PRKCZ: variants seen among roughly 807,000 people sequenced by gnomAD.
PRKCZ encodes the protein protein kinase C zeta type.
In PRKCZ, 33 loss-of-function variants were observed where a neutral mutation model predicts 79.5. That is an observed-to-expected ratio of 0.41 (90% confidence interval 0.31 to 0.55). The LOEUF (loss-of-function observed/expected upper bound fraction) is 0.55, where lower values mean the gene tolerates loss of function less well. PRKCZ is among the 20% of genes least tolerant of loss of function. PRKCZ has a pLI of 0.19. For synonymous variants in PRKCZ, 342 were observed against 320.9 expected, an observed-to-expected ratio of 1.07 and a Z score of -0.70; for missense variants, 578 against 813.5, an observed-to-expected ratio of 0.71 and a Z score of 3.52.
At chr1:2,119,213 CTTTTT>C (rs201938015) in intron 4 of PRKCZ, among the ~76,000 whole-genome samples, 11 of 126,432 alleles carry the variant, frequency 8.7e-5, no homozygotes, top group African/African-American at 3.2e-4. Flanking sequence ...TTATTTTTTC[CTTTTT>C]TTTTTTTTTT....
At chr1:2,117,315 G>T (rs778260778) in intron 4 of PRKCZ, among the ~76,000 whole-genome samples, 5 of 151,618 alleles carry the variant, frequency 3.3e-5, no homozygotes, top group Admixed American at 1.3e-4. Context: ...TTGTTCAAAT[G>T]ATTCCCTGGT....
chr1:2,096,609 G>T (rs959355393), intron 4 of PRKCZ, among the ~76,000 whole-genome samples: 6 of 152,214 alleles, frequency 3.9e-5, no homozygotes, highest in Non-Finnish European at 7.3e-5. Flanking sequence ...TCTCCCCGTG[G>T]CGTGGCATGG....
chr1:2,049,801 G>A (rs1344526999), upstream of PRKCZ: 1 of 152,360 alleles, frequency 6.6e-6, no homozygotes, highest in Non-Finnish European at 1.5e-5. Context: ...CTTCAGAAAT[G>A]AAGGTCATGG....
intron 4 of PRKCZ, among the ~76,000 whole-genome samples, chr1:2,077,682 G>A (rs1451612182): frequency 9.9e-5 from 15 of 152,216 alleles, no homozygotes; most frequent in Admixed American, 9.8e-4. Context: ...CCTCCCTGCT[G>A]CCCCAGCTCC....
At chr1:2,119,167 T>C (rs1438623199) in intron 4 of PRKCZ, among the ~76,000 whole-genome samples, 1 of 152,148 alleles carries the variant, frequency 6.6e-6, no homozygotes, top group Admixed American at 6.5e-5. Context: ...AAACTACTTT[T>C]ACCATTTTCT....
rs527947559 is a variant in PRKCZ at position 2,057,376 on chromosome 1, G to A, written c.283+803G>A. 7.9e-5 allele frequency among the ~76,000 whole-genome samples: 12 copies of A among 152,318 alleles called. No individual in the cohort carries two copies. The South Asian group carries it at 1.9e-3, about 24-fold the overall frequency. On this transcript the variant is annotated intron_variant, in intron 3 of 17. Transcript: ENST00000378567. ...TCCAGCGCTGTGGCCAGCCGGTCACGTCTTTGTCTCTGTGTCCACTTCTGG... is the reference window on the plus strand; with the variant it reads ...TCCAGCGCTGTGGCCAGCCGGTCACATCTTTGTCTCTGTGTCCACTTCTGG...
chr1:2,148,967 G>A (rs767005132), intron 8 of PRKCZ, 43 bp downstream of exon 8: 2 of 1,591,584 alleles, frequency 1.3e-6, no homozygotes, highest in Non-Finnish European at 8.6e-7. Context: ...GACGTCCTCT[G>A]GAAAGTCTGT....
At chr1:2,085,984 C>G (rs549304214) in intron 4 of PRKCZ, among the ~76,000 whole-genome samples, 2 of 152,144 alleles carry the variant, frequency 1.3e-5, no homozygotes, top group Admixed American at 1.3e-4. Flanking sequence ...GTCTTCTCCC[C>G]TCCCTGTTGA....
chr1:2,070,131 G>A (rs1023247519), intron 4 of PRKCZ, among the ~76,000 whole-genome samples: 1 of 152,112 alleles, frequency 6.6e-6, no homozygotes. Context: ...TGGTGTCCTC[G>A]GGGTCATCAG....
intron 9 of PRKCZ, among the ~76,000 whole-genome samples, chr1:2,151,595 A>G (rs537642044): frequency 1.2e-4 from 19 of 152,358 alleles, no homozygotes; most frequent in Admixed American, 9.8e-4. Context: ...GGCTCTGTGT[A>G]GCAGATCTTC....
At chr1:2,105,924 A>AC (rs915869836) in intron 4 of PRKCZ, among the ~76,000 whole-genome samples, 10 of 151,784 alleles carry the variant, frequency 6.6e-5, no homozygotes, top group African/African-American at 1.7e-4. Flanking sequence ...ATGAGGCCCC[A>AC]CCCCCCCACA....
chr1:2,169,644 G>T, intron 11 of PRKCZ, 40 bp downstream of exon 11: 10 of 1,206,732 alleles, frequency 8.3e-6, no homozygotes, highest in Middle Eastern at 3.2e-4. Flanking sequence ...TGCGCCCGGA[G>T]TTGGGGATGG....
rs1232220795 is a variant in PRKCZ, at chr1:2,172,293, C to T, written c.1198-8C>T. 1 of 1,613,622 alleles carries T rather than the reference C, an allele frequency of 6.2e-7. No individual in the cohort carries two copies. On this transcript the variant is annotated splice_region_variant and splice_polypyrimidine_tract_variant and intron_variant, in intron 12 of 17. Transcript: ENST00000378567. This position sits in a 1 kb window ranked among gnomAD's most constrained non-coding sequence, Gnocchi z 7.8. ...AAGAACCCTCTCCCAGTAACTTTGC[C>T]CCCACAGGAAGGCCTGGGCCCTGGT...
intron 10 of PRKCZ, among the ~76,000 whole-genome samples, chr1:2,159,424 T>C (rs746243364): frequency 1.3e-5 from 2 of 152,362 alleles, no homozygotes; most frequent in South Asian, 2.1e-4. Flanking sequence ...GGCCCCTTGC[T>C]GAGGGCCAGG....
intron 4 of PRKCZ, among the ~76,000 whole-genome samples, chr1:2,061,224 C>T (rs574424859): frequency 6.6e-6 from 1 of 152,312 alleles, no homozygotes; most frequent in South Asian, 2.1e-4. Context: ...CCCCTGGGCG[C>T]GGGGGAAGCC....
intron 4 of PRKCZ, among the ~76,000 whole-genome samples, chr1:2,110,846 G>A (rs1489821496): frequency 6.6e-6 from 1 of 152,118 alleles, no homozygotes; most frequent in African/African-American, 2.4e-5. Context: ...CCCTGTAGGG[G>A]CTGGTGACAG....
At chr1:2,139,140 A>G (rs1676813084) in intron 5 of PRKCZ, among the ~76,000 whole-genome samples, 1 of 152,212 alleles carries the variant, frequency 6.6e-6, no homozygotes, top group Admixed American at 6.5e-5. Context: ...TCCTACACAA[A>G]GGCTTTTGGT....
chr1:2,098,646 G>GT (rs1038974446), intron 4 of PRKCZ: 1 of 149,726 alleles, frequency 6.7e-6, no homozygotes, highest in Non-Finnish European at 1.5e-5. Flanking sequence ...AATAGTGATG[G>GT]TTTTTTGTTT....
intron 4 of PRKCZ, among the ~76,000 whole-genome samples, chr1:2,108,612 T>C (rs1242504316): frequency 6.6e-6 from 1 of 152,184 alleles, no homozygotes; most frequent in Non-Finnish European, 1.5e-5. Flanking sequence ...CCCCTCTCTC[T>C]CCAGCCATGT....
Sources: allele counts gnomAD v4.1 joint callset (sites outside exome capture counted in the v4.1 genomes callset), GRCh38; gene constraint gnomAD v4.1.1; non-coding constraint Gnocchi (gnomAD v3.1); transcripts MANE v1.5; gene names NCBI Gene and HGNC (gene_info 2026-07-23, HGNC 2026-07-21).